The following SUGP2 variants were observed in gnomAD, a reference collection of about 807,000 sequenced individuals.
SUGP2 encodes the protein SURP and G-patch domain containing 2.
Under a neutral mutation model 90.5 loss-of-function variants are expected in SUGP2, and 24 were observed. The ratio of observed to expected loss-of-function variants is 0.27; its 90% CI spans 0.19 to 0.37. The LOEUF (loss-of-function observed/expected upper bound fraction) is 0.37. Among genes scored for constraint, SUGP2 ranks in the 10% least tolerant of loss-of-function variants. The pLI, the probability that SUGP2 is intolerant of heterozygous loss-of-function variation, is 1.00. For synonymous variants in SUGP2, 473 were observed against 513.4 expected, an observed-to-expected ratio of 0.92 and a Z score of 1.06; for missense variants, 1,233 against 1,363.3, an observed-to-expected ratio of 0.90 and a Z score of 1.51.
intron 4 of SUGP2, among the ~76,000 whole-genome samples, chr19:19,015,780 C>T (rs1021301401): frequency 1.3e-4 from 20 of 152,212 alleles, no homozygotes; most frequent in Admixed American, 1.2e-3. Context: ...GTTGGGATTA[C>T]AGGCGTGAGC....
chr19:19,017,163 C>T (rs1220983038), intron 4 of SUGP2, among the ~76,000 whole-genome samples: 2 of 152,152 alleles, frequency 1.3e-5, no homozygotes, highest in Non-Finnish European at 2.9e-5. Flanking sequence ...GCAGCCTGGG[C>T]AACAGAGTGA....
intron 4 of SUGP2, among the ~76,000 whole-genome samples, chr19:19,017,888 G>A (rs1459920661): frequency 1.3e-5 from 2 of 150,766 alleles, no homozygotes; most frequent in East Asian, 3.9e-4. Context: ...TAAACTGCCA[G>A]AAAGGTAGGC....
At chr19:18,994,244 AT>A (rs1001078409) in intron 10 of SUGP2, 121 bp downstream of exon 10, 60 of 1,358,864 alleles carry the variant, frequency 4.4e-5, no homozygotes, top group South Asian at 6.8e-5. Flanking sequence ...GAATTTTGTG[AT>A]TTTTTTTGTG....
At chr19:18,995,004 T>C (rs1458063305) in intron 9 of SUGP2, 140 bp downstream of exon 9, 6 of 977,212 alleles carry the variant, frequency 6.1e-6, no homozygotes, top group African/African-American at 3.2e-5. Context: ...CAGCTTCTCA[T>C]CTGAAGATGC....
Position 19,010,049 on chromosome 19 carries a change from C to T in SUGP2, c.2144G>A (p.Arg715Gln), listed in dbSNP as rs759499277. 1.9e-5 allele frequency: 30 copies of T among 1,613,464 alleles called. No individual in the cohort carries two copies. In the East Asian group the frequency reaches 2.0e-4, roughly 11 times the overall value. Residue 715 changes from arginine to glutamine, a missense_variant, in exon 5 of 11, where the codon CGG becomes CAG. Around this residue, in one of 8 missense-constraint regions of SUGP2, gnomAD observed 540 missense variants for 542.6 expected, o/e 1.00. Coordinates refer to ENST00000452918, the MANE Select transcript of SUGP2 (RefSeq NM_001017392.5). ...SSGTRLKHHGRQAPGLSQAKP... is the reference protein window; with the variant it reads ...SSGTRLKHHGQQAPGLSQAKP... ...TGCCTGTGAGAGGCCTGGAGCCTGCCGGCCGTGGTGTTTCAGCCTGGTGCC... is the reference window on the plus strand; with the variant it reads ...TGCCTGTGAGAGGCCTGGAGCCTGCTGGCCGTGGTGTTTCAGCCTGGTGCC...
intron 3 of SUGP2, 99 bp downstream of exon 3, chr19:19,024,519 CA>C: frequency 7.3e-7 from 1 of 1,374,918 alleles, no homozygotes. Context: ...GATATGTTTC[CA>C]ATTGGCTAAA....
intron 6 of SUGP2, among the ~76,000 whole-genome samples, chr19:19,006,663 C>T (rs974339115): frequency 6.6e-6 from 1 of 152,238 alleles, no homozygotes. Context: ...TTATCCAACC[C>T]TGCCAGAGGA....
chr19:19,026,260 A>G (rs777732592), intron 2 of SUGP2, 34 bp from the exon 3 acceptor site: 6 of 1,481,014 alleles, frequency 4.1e-6, no homozygotes, highest in Non-Finnish European at 5.3e-6. Context: ...AAAAAGAAGA[A>G]GCCAAAAGAT....
intron 4 of SUGP2, among the ~76,000 whole-genome samples, chr19:19,018,547 C>T (rs1019896691): frequency 1.3e-5 from 2 of 151,264 alleles, no homozygotes; most frequent in African/African-American, 2.4e-5. Flanking sequence ...ATTAGCCAGG[C>T]GTGGTGGTGG....
intron 2 of SUGP2, among the ~76,000 whole-genome samples, chr19:19,029,933 ACT>A (rs1260007998): frequency 4.6e-5 from 7 of 150,602 alleles, no homozygotes; most frequent in South Asian, 2.1e-4. Context: ...ACAGTACAAG[ACT>A]CTGTCTCAAA....
At chr19:18,995,976 G>A (rs906638159) in intron 8 of SUGP2, among the ~76,000 whole-genome samples, 3 of 152,076 alleles carry the variant, frequency 2.0e-5, no homozygotes, top group African/African-American at 7.2e-5. Context: ...TGGAGGAGGA[G>A]CCTGCAGGGC....
intron 3 of SUGP2, among the ~76,000 whole-genome samples, chr19:19,023,996 C>A (rs561498070): frequency 1.3e-5 from 2 of 152,102 alleles, no homozygotes; most frequent in Non-Finnish European, 2.9e-5. Context: ...CAGAAAGGTA[C>A]GAATCCCCCG....
At chr19:19,004,094 GTCTCT>G in intron 7 of SUGP2, 69 bp downstream of exon 7, 2 of 1,169,132 alleles carry the variant, frequency 1.7e-6, no homozygotes, top group Non-Finnish European at 2.4e-6. Context: ...GTCTCCACCT[GTCTCT>G]TCTAACTCTC....
chr19:18,993,127 C>T lies in SUGP2; in HGVS notation c.*614G>A, dbSNP rs2057432129. 2 of 152,178 alleles carry T rather than the reference C, an allele frequency of 1.3e-5. No homozygotes were observed. The highest frequency in any genetic ancestry group is 4.8e-5 in the African/African-American group (2 of 41,436). The allele number at this position is 152,178 out of a possible 1,614,324, so 9.4% of individuals were successfully genotyped here. ...AATGATTACTCCCCACCCGATAGAGCTATTCTATACTGTTGCTAAAATTTC... is the reference window on the plus strand; with the variant it reads ...AATGATTACTCCCCACCCGATAGAGTTATTCTATACTGTTGCTAAAATTTC... On this transcript the variant is annotated 3_prime_UTR_variant, in exon 11 of 11. Coordinates refer to ENST00000452918, the MANE Select transcript of SUGP2 (RefSeq NM_001017392.5).
At chr19:19,019,418 G>T (rs1221406321) in intron 3 of SUGP2, among the ~76,000 whole-genome samples, 189 bp from the exon 4 acceptor site, 1 of 152,176 alleles carries the variant, frequency 6.6e-6, no homozygotes, top group South Asian at 2.1e-4. Context: ...CCTAAAAAAT[G>T]TAACAGTATA....
chr19:18,995,075 C>A (rs1402246628), intron 9 of SUGP2, 69 bp downstream of exon 9: 9 of 1,571,054 alleles, frequency 5.7e-6, no homozygotes, highest in Non-Finnish European at 7.8e-6. Flanking sequence ...GTGAAGGAGC[C>A]AAGCGGCAGG....
intron 4 of SUGP2, among the ~76,000 whole-genome samples, chr19:19,011,659 G>A (rs922932772): frequency 6.6e-6 from 1 of 152,102 alleles, no homozygotes; most frequent in African/African-American, 2.4e-5. Context: ...TGGCCCACGT[G>A]AATTTCCTGG....
At chr19:19,016,309 G>A (rs2058499840) in intron 4 of SUGP2, among the ~76,000 whole-genome samples, 1 of 151,972 alleles carries the variant, frequency 6.6e-6, no homozygotes, top group Non-Finnish European at 1.5e-5. Context: ...ATGCCCGGCC[G>A]CTTATTTCTG....
chr19:19,004,190 C>A lies in SUGP2; in HGVS notation c.2907G>T (p.Val969=). The part of the protein sequence containing the change: ...KVGMIPAPKR[V]CLIQEPKVHE... ...CACCTTTTGGCTCCTGGATGAGACACACTCTCTTGGGAGCTGGAATCATGC... is the reference window on the plus strand; with the variant it reads ...CACCTTTTGGCTCCTGGATGAGACAAACTCTCTTGGGAGCTGGAATCATGC... The change falls in exon 7 of 11, where the codon GTG becomes GTT. Residue 969 remains valine (V), a synonymous_variant. Transcript: ENST00000452918. 1 of 1,569,602 alleles carries A rather than the reference C, an allele frequency of 6.4e-7. No individual in the cohort carries two copies. The highest frequency in any genetic ancestry group is 1.2e-5 in the South Asian group (1 of 84,476).
Sources: allele counts gnomAD v4.1 joint callset (sites outside exome capture counted in the v4.1 genomes callset), GRCh38; gene constraint gnomAD v4.1.1; regional missense constraint gnomAD v4.1.1; transcripts MANE v1.5; gene names NCBI Gene and HGNC (gene_info 2026-07-23, HGNC 2026-07-21).